The following RPA1 variants were observed in gnomAD, a reference collection of about 807,000 sequenced individuals.
The protein encoded by RPA1 is replication protein A 70 kDa DNA-binding subunit.
In RPA1, 49 loss-of-function variants were observed where a neutral mutation model predicts 83.0. The ratio of observed to expected loss-of-function variants is 0.59; its 90% CI spans 0.47 to 0.75. RPA1 has a LOEUF of 0.75. RPA1 is among the 30% of genes least tolerant of loss of function. The pLI is 0.00. For missense variants in RPA1, 693 were observed against 776.1 expected, an observed-to-expected ratio of 0.89 and a Z score of 1.27; for synonymous variants, 279 against 281.8, an observed-to-expected ratio of 0.99 and a Z score of 0.10.
intron 5 of RPA1, 139 bp from the exon 6 acceptor site, chr17:1,872,295 C>T (rs1260444868): frequency 7.6e-7 from 1 of 1,319,750 alleles, no homozygotes; most frequent in Admixed American, 2.5e-5. Flanking sequence ...CATGGAATGC[C>T]TCAGCACGAA....
Position 1,897,403 on chromosome 17 carries a change from G to T in RPA1, c.*228G>T. 2.1e-6 allele frequency: 1 copy of T among 476,548 alleles called. No individual in the cohort carries two copies. Among genetic ancestry groups the T allele is most frequent in the East Asian group, 3.8e-5 (1 of 26,650 alleles). 29.5% of individuals were successfully genotyped at this position (476,548 alleles called of 1,614,324 possible). A position where few individuals can be genotyped will look rare whatever the true frequency, so the allele number is the denominator to read the frequency against. ...GTCAGGCCTACGGAGTCAGCCAGTG[G>T]CTAGCGCAAGACCAGTCACTCCCTC... On this transcript the variant is annotated 3_prime_UTR_variant, in exon 17 of 17. Coordinates refer to ENST00000254719, the MANE Select transcript of RPA1 (RefSeq NM_002945.5).
In RPA1 at chr17:1,898,261, A is replaced by G. The variant is rs1476772635; in HGVS notation, c.*1086A>G. On this transcript the variant is annotated 3_prime_UTR_variant, in exon 17 of 17. Coordinates refer to ENST00000254719, the MANE Select transcript of RPA1 (RefSeq NM_002945.5). ...TTCAAAGCATGAAAACACTAAAAAC[A>G]AAAAGCCATTTTGCCTGAGGATGCT... 3 of 152,208 alleles carry G rather than the reference A, an allele frequency of 2.0e-5. No homozygotes were observed. Among genetic ancestry groups the G allele is most frequent in the Admixed American group, 6.5e-5 (1 of 15,274 alleles). 9.4% of individuals were successfully genotyped at this position (152,208 alleles called of 1,614,324 possible). A position where few individuals can be genotyped will look rare whatever the true frequency, so the allele number is the denominator to read the frequency against.
chr17:1,849,289 C>CTTTTTTTTTTTTTTTT (rs61062085), intron 4 of RPA1, among the ~76,000 whole-genome samples: 2 of 116,320 alleles, frequency 1.7e-5, no homozygotes, highest in Admixed American at 9.3e-5. Context: ...GTTGGCTGTT[C>CTTTTTTTTTTTTTTTT]TTTTTTTTTT....
intron 1 of RPA1, among the ~76,000 whole-genome samples, chr17:1,833,491 G>A (rs1409348655): frequency 1.3e-5 from 2 of 152,178 alleles, no homozygotes; most frequent in Admixed American, 6.6e-5. Flanking sequence ...TGCTGAAACC[G>A]GGGAAGTGAT....
At chr17:1,883,673 G>A (rs1159528417) in intron 12 of RPA1, 139 bp from the exon 13 acceptor site, 3 of 774,570 alleles carry the variant, frequency 3.9e-6, no homozygotes, top group Non-Finnish European at 5.9e-6. Context: ...ACCAGCTTCA[G>A]CCGACATGAC....
intron 2 of RPA1, 76 bp downstream of exon 2, chr17:1,842,929 A>ACAGACAGATTTGT: frequency 6.7e-7 from 1 of 1,489,572 alleles, no homozygotes; most frequent in Non-Finnish European, 9.3e-7. Context: ...TTGATGAAGG[A>ACAGACAGATTTGT]CAGACAGATT....
chr17:1,868,024 C>G (rs1203474724), intron 5 of RPA1, among the ~76,000 whole-genome samples: 1 of 151,978 alleles, frequency 6.6e-6, no homozygotes, highest in Non-Finnish European at 1.5e-5. Context: ...TCAAGGCCTG[C>G]AGTGAGCTAT....
At chr17:1,875,023 C>A (rs747291304) in intron 6 of RPA1, among the ~76,000 whole-genome samples, 2 of 152,216 alleles carry the variant, frequency 1.3e-5, no homozygotes, top group South Asian at 4.1e-4. Context: ...TCTTTCCCAG[C>A]GCAGGGCAGC....
intron 5 of RPA1, among the ~76,000 whole-genome samples, chr17:1,871,807 C>T (rs1000965102): frequency 2.6e-5 from 4 of 152,088 alleles, no homozygotes; most frequent in African/African-American, 7.2e-5. Context: ...CACCTGCTTC[C>T]GAACCCCATT....
At chr17:1,880,107 G>A (rs981084422) in intron 11 of RPA1, among the ~76,000 whole-genome samples, 1 of 151,188 alleles carries the variant, frequency 6.6e-6, no homozygotes, top group Non-Finnish European at 1.5e-5. Flanking sequence ...CTATAGGATG[G>A]GGCCTTCAGC....
At position 1,899,236 on chromosome 17, in the gene RPA1, G is replaced by A. The variant is rs1308182758; in HGVS notation, c.*2061G>A. On this transcript the variant is annotated 3_prime_UTR_variant, in exon 17 of 17. Transcript: ENST00000254719. ...AGGAGCATCAGAAACTGGCTCCACT[G>A]TTGGGCTTTTCAGAGATTTTGGTCC... The A allele has an allele frequency of 1.3e-5, 2 of 152,892 alleles. No homozygotes were observed. Among genetic ancestry groups the A allele is most frequent in the Non-Finnish European group, 2.9e-5 (2 of 68,110 alleles). 9.5% of individuals were successfully genotyped at this position (152,892 alleles called of 1,614,324 possible).
chr17:1,848,631 C>G (rs1471534711), intron 4 of RPA1, among the ~76,000 whole-genome samples: 1 of 137,642 alleles, frequency 7.3e-6, no homozygotes, highest in East Asian at 2.3e-4. Flanking sequence ...ATGGTGCCAT[C>G]TCGGCTCACT....
chr17:1,879,737 C>G, intron 11 of RPA1, 38 bp downstream of exon 11: 1 of 1,612,898 alleles, frequency 6.2e-7, no homozygotes, highest in Non-Finnish European at 8.5e-7. Context: ...CGCACAGGAC[C>G]TCCTGGGGTT....
intron 1 of RPA1, among the ~76,000 whole-genome samples, chr17:1,834,853 C>T (rs1170432999): frequency 6.6e-6 from 1 of 151,842 alleles, no homozygotes; most frequent in African/African-American, 2.4e-5. Context: ...ACATTTGTTG[C>T]TTTATATACT....
At position 1,889,357 on chromosome 17, in the gene RPA1, CAG is replaced by C. The variant is rs1287049240; in HGVS notation, c.1551+507_1551+508del. ...AAAATTTTTTTTTTTTTTTAAGAAA[CAG>C]GGGTCTCACTCTGTTGCCCAGAATA... is the stretch of plus-strand genomic sequence containing the variant. On this transcript the variant is annotated intron_variant, in intron 14 of 16. Transcript: ENST00000254719. Among the ~76,000 whole-genome samples the C allele has an allele frequency of 6.3e-5, 9 of 143,654 alleles. No individual in the cohort carries two copies. In the South Asian group the frequency reaches 1.1e-3, roughly 18 times the overall value. The allele number at this position is 143,654 out of a possible 152,430, so 94.2% of individuals were successfully genotyped here.
intron 1 of RPA1, among the ~76,000 whole-genome samples, chr17:1,836,983 G>T (rs1027935512): frequency 6.6e-6 from 1 of 151,758 alleles, no homozygotes; most frequent in Non-Finnish European, 1.5e-5. Context: ...GATTACAGCC[G>T]CATGCCACCA....
intron 5 of RPA1, among the ~76,000 whole-genome samples, chr17:1,857,493 C>G (rs1488494555): frequency 6.6e-6 from 1 of 151,692 alleles, no homozygotes; most frequent in African/African-American, 2.4e-5. Context: ...CCCTCTTTAT[C>G]TCCCTCTAGC....
rs368978505 is a variant in RPA1 at position 1,883,776 on chromosome 17, C to T, written c.1242-36C>T. Reference sequence around the variant, plus strand: ...GTGGAGAAGCAGAAGCATGTCACATCAAGCGCTCGTCATCGTTATTCGTTC... The same window carrying T: ...GTGGAGAAGCAGAAGCATGTCACATTAAGCGCTCGTCATCGTTATTCGTTC... On this transcript the variant is annotated intron_variant, in intron 12 of 16. Coordinates refer to ENST00000254719, the MANE Select transcript of RPA1 (RefSeq NM_002945.5). 33 of 1,612,726 alleles carry T rather than the reference C, an allele frequency of 2.0e-5. No homozygotes were observed. In the South Asian group the frequency reaches 3.0e-4, roughly 14 times the overall value.
intron 1 of RPA1, among the ~76,000 whole-genome samples, chr17:1,835,274 C>T (rs1464743220): frequency 6.6e-6 from 1 of 151,912 alleles, no homozygotes; most frequent in Non-Finnish European, 1.5e-5. Flanking sequence ...TCAACCTCTC[C>T]AGTAGCTGGG....
Sources: allele counts gnomAD v4.1 joint callset (sites outside exome capture counted in the v4.1 genomes callset), GRCh38; gene constraint gnomAD v4.1.1; transcripts MANE v1.5; gene names NCBI Gene and HGNC (gene_info 2026-07-23, HGNC 2026-07-21).